SLC19A1: variants seen among roughly 807,000 people sequenced by gnomAD.
SLC19A1 encodes the protein solute carrier family 19 member 1.
In SLC19A1, 37 loss-of-function variants were observed where a neutral mutation model predicts 35.3. The observed-to-expected ratio is 1.05, with a 90% CI of 0.81 to 1.38. SLC19A1 has a LOEUF of 1.38. SLC19A1 is among the 40% of genes most tolerant of loss of function. The probability of loss-of-function intolerance (pLI) is 0.00; values close to 1 mark genes in which losing one functional copy is unlikely to be tolerated. For missense variants in SLC19A1, 831 were observed against 826.9 expected, an observed-to-expected ratio of 1.00 and a Z score of -0.06; for synonymous variants, 460 against 398.5, an observed-to-expected ratio of 1.15 and a Z score of -1.84.
rs777932212 is a variant in SLC19A1, at chr21:45,504,454, C to T, written c.498-5842G>A. On this transcript the variant is annotated intron_variant, in intron 3 of 4. Transcript: ENST00000417954. The stretch of plus-strand genomic sequence containing the variant: ...ACCGAGGTGATGCAGGACAGAAAGG[C>T]GAAAGGGGGGAGCCCGGGGGCGGCG... 1.4e-5 allele frequency: 22 copies of T among 1,611,070 alleles called. No homozygotes were observed. Among genetic ancestry groups the T allele is most frequent in the Admixed American group, 8.3e-5 (5 of 59,928 alleles).
At chr21:45,512,302 G>A (rs1236085614), downstream of SLC19A1, 2 of 1,612,362 alleles carry the variant, frequency 1.2e-6, no homozygotes. Context: ...CCTCCTCGCT[G>A]CTGGGGGGCA....
chr21:45,560,523 G>A (rs945937290), intron 1 of SLC19A1, among the ~76,000 whole-genome samples: 5 of 152,234 alleles, frequency 3.3e-5, no homozygotes, highest in African/African-American at 1.2e-4. Context: ...GGAATGGGAT[G>A]TGGCACTGGC....
chr21:45,506,996 CCTAA>C (rs1207271983), intron 3 of SLC19A1: 5 of 287,102 alleles, frequency 1.7e-5, no homozygotes, highest in Admixed American at 4.5e-5. Flanking sequence ...GCAGCCCCAT[CCTAA>C]CTTTCAGGGG....
chr21:45,530,823 A>G lies in SLC19A1; in HGVS notation c.1098T>C (p.Tyr366=). 1 of 1,556,992 alleles carries G rather than the reference A, an allele frequency of 6.4e-7. No homozygotes were observed. Among genetic ancestry groups the G allele is most frequent in the Non-Finnish European group, 8.7e-7 (1 of 1,152,204 alleles). Residue 366 remains tyrosine, a synonymous_variant, in exon 4 of 6, where the codon TAT becomes TAC. Coordinates refer to ENST00000311124, the MANE Select transcript of SLC19A1 (RefSeq NM_194255.4). The surrounding 1 kb of genome is among the most constrained non-coding windows in gnomAD (Gnocchi z 5.3). ...AGCCGCGGAACAGCACGAAGGCCGC[A>G]TAGCACAGCCAGATGCTGCTCGGGT... ...TRHPSSIWLC[Y]AAFVLFRGSY... is the part of the protein sequence containing the mutation.
At chr21:45,559,740 G>T (rs1330805886) in intron 1 of SLC19A1, among the ~76,000 whole-genome samples, 1 of 152,204 alleles carries the variant, frequency 6.6e-6, no homozygotes, top group East Asian at 1.9e-4. Context: ...CTTATTAACA[G>T]CAGTGAAGAA....
At chr21:45,562,523 T>C (rs1245752836) in intron 1 of SLC19A1, among the ~76,000 whole-genome samples, 2 of 152,174 alleles carry the variant, frequency 1.3e-5, no homozygotes, top group Non-Finnish European at 2.9e-5. Flanking sequence ...TCCGGCAGCG[T>C]GGTGCAGTGC....
At chr21:45,522,357 G>A (rs534762909) in intron 5 of SLC19A1, among the ~76,000 whole-genome samples, 1 of 152,274 alleles carries the variant, frequency 6.6e-6, no homozygotes, top group East Asian at 1.9e-4. Flanking sequence ...TACCAAAGAC[G>A]CTGTGACTGG....
chr21:45,534,757 C>T lies in SLC19A1; in HGVS notation c.190-2609G>A, dbSNP rs2078051792. 1.5e-6 allele frequency: 1 copy of T among 651,058 alleles called. No individual in the cohort carries two copies. The highest frequency in any genetic ancestry group is 1.8e-5 in the African/African-American group (1 of 54,846). The allele number at this position is 651,058 out of a possible 1,614,324, so 40.3% of individuals were successfully genotyped here. A position where few individuals can be genotyped will look rare whatever the true frequency, so the allele number is the denominator to read the frequency against. ...CAGGCAGACAGCAGGGAGGCTCTGC[C>T]CAGAGCTGTGACCTGCGTCCCACTT... On this transcript the variant is annotated intron_variant, in intron 2 of 5. Coordinates refer to ENST00000311124, the MANE Select transcript of SLC19A1 (RefSeq NM_194255.4). This position sits in a 1 kb window ranked among gnomAD's most constrained non-coding sequence, Gnocchi z 4.2.
In SLC19A1 at chr21:45,517,766, G is replaced by A. The variant is rs1250037692; in HGVS notation, c.1294-1626C>T. On this transcript the variant is annotated intron_variant, in intron 5 of 5. Coordinates refer to ENST00000311124, the MANE Select transcript of SLC19A1 (RefSeq NM_194255.4). The surrounding 1 kb of genome is among the most constrained non-coding windows in gnomAD (Gnocchi z 4.4). Reference sequence around the variant, plus strand: ...ACCCCAGGGGCATCAAGGGGGCCACGAGGGGAGCTGGACTCCCATCCTTGC... The same window carrying A: ...ACCCCAGGGGCATCAAGGGGGCCACAAGGGGAGCTGGACTCCCATCCTTGC... Among the ~76,000 whole-genome samples, 13 of 152,172 alleles carry A rather than the reference G, an allele frequency of 8.5e-5. No homozygotes were observed. Among genetic ancestry groups the A allele is most frequent in the Middle Eastern group, 3.4e-3 (1 of 294 alleles).
chr21:45,520,279 G>A (rs1028679281), intron 5 of SLC19A1, among the ~76,000 whole-genome samples: 3 of 151,844 alleles, frequency 2.0e-5, no homozygotes, highest in African/African-American at 7.3e-5. Flanking sequence ...GAAAAAAGAA[G>A]AGCAAAATAA....
chr21:45,530,080 G>A lies in SLC19A1; in HGVS notation c.1151+690C>T, dbSNP rs1313540737. On this transcript the variant is annotated intron_variant, in intron 4 of 5. Coordinates refer to ENST00000311124, the MANE Select transcript of SLC19A1 (RefSeq NM_194255.4). This position sits in a 1 kb window ranked among gnomAD's most constrained non-coding sequence, Gnocchi z 5.3. ...GTCCATCTGTGAGCATGTGGTGTGT[G>A]TTCGTGTGTGGTGTGTCTGTGTGGT... 6.6e-6 allele frequency among the ~76,000 whole-genome samples: 1 copy of A among 150,752 alleles called. No homozygotes were observed. The highest frequency in any genetic ancestry group is 1.5e-5 in the Non-Finnish European group (1 of 67,670).
chr21:45,535,430 G>C (rs1320044223), intron 2 of SLC19A1, among the ~76,000 whole-genome samples: 2 of 152,214 alleles, frequency 1.3e-5, no homozygotes, highest in African/African-American at 4.8e-5. Flanking sequence ...AAGGGAACCA[G>C]GTCCGAGGAG....
chr21:45,514,977 C>A lies in SLC19A1; in HGVS notation c.*681G>T. 1 of 1,498,364 alleles carries A rather than the reference C, an allele frequency of 6.7e-7. No homozygotes were observed. Among genetic ancestry groups the A allele is most frequent in the South Asian group, 1.3e-5 (1 of 76,186 alleles). The allele number at this position is 1,498,364 out of a possible 1,614,324, so 92.8% of individuals were successfully genotyped here. A position where few individuals can be genotyped will look rare whatever the true frequency, so the allele number is the denominator to read the frequency against. On this transcript the variant is annotated 3_prime_UTR_variant, in exon 6 of 6. Transcript: ENST00000311124. The stretch of plus-strand genomic sequence containing the variant: ...TGGGAGCAGCTGAGGACCCGCAGGT[C>A]AGGATGGACACACTTCAGAAGGACA...
At chr21:45,508,125 G>GGGTGGGTGGGTGGATGGAAA (rs1568948178), downstream of SLC19A1, among the ~76,000 whole-genome samples, 14 of 151,268 alleles carry the variant, frequency 9.3e-5, no homozygotes, top group Admixed American at 8.5e-4. Context: ...GTGAGTGGAC[G>GGGTGGGTGGGTGGATGGAAA]GGTGGGTGGG....
chr21:45,509,826 C>T (rs559069705), downstream of SLC19A1, among the ~76,000 whole-genome samples: 112 of 152,326 alleles, frequency 7.4e-4, 1 homozygote, highest in African/African-American at 2.6e-3. Context: ...CCTTGAGGAA[C>T]CGGCGTACCT....
intron 2 of SLC19A1, among the ~76,000 whole-genome samples, 196 bp from the exon 3 acceptor site, chr21:45,532,344 T>A (rs2077961995): frequency 6.6e-6 from 1 of 152,188 alleles, no homozygotes; most frequent in Non-Finnish European, 1.5e-5. Context: ...CTCCCGACCG[T>A]CCCGGCAGCC....
chr21:45,522,181 T>C (rs900822925), intron 5 of SLC19A1, among the ~76,000 whole-genome samples: 1 of 152,180 alleles, frequency 6.6e-6, no homozygotes, highest in East Asian at 1.9e-4. Context: ...TGTGAAGATT[T>C]TGCAAATGGA....
chr21:45,505,787 G>GC (rs1413340744), intron 3 of SLC19A1: 44 of 1,248,132 alleles, frequency 3.5e-5, no homozygotes, highest in Middle Eastern at 5.2e-4. Flanking sequence ...TTCCGCCCCT[G>GC]CCCCCCGCCC....
chr21:45,502,874 C>T (rs1021969570), intron 3 of SLC19A1: 1 of 152,166 alleles, frequency 6.6e-6, no homozygotes, highest in Admixed American at 6.5e-5. Flanking sequence ...CACGTAAGCC[C>T]CACAAGTGGA....
Sources: gnomAD v4.1 joint callset for allele counts (sites outside exome capture counted in the v4.1 genomes callset) on GRCh38, gnomAD v4.1.1 for gene constraint, Gnocchi (gnomAD v3.1) non-coding constraint, MANE v1.5 for transcripts, NCBI Gene and HGNC (gene_info 2026-07-23, HGNC 2026-07-21) for gene names.